Variants in CCSER2 observed in about 807,000 individuals in gnomAD.
CCSER2 encodes the protein coiled-coil serine rich protein 2.
In CCSER2, 46 loss-of-function variants were observed where a neutral mutation model predicts 92.3. That is an observed-to-expected ratio of 0.50 (90% CI 0.39 to 0.64). The LOEUF (loss-of-function observed/expected upper bound fraction) is 0.64, where lower values mean the gene tolerates loss of function less well. Among genes scored for constraint, CCSER2 ranks in the 30% least tolerant of loss-of-function variants. CCSER2 has a pLI of 0.00. For synonymous variants in CCSER2, 433 were observed against 431.4 expected (o/e 1.00, Z -0.04); for missense variants, 1,244 against 1,238.9 (o/e 1.00, Z -0.06).
chr10:84,441,402 G>A (rs945897597), intron 6 of CCSER2, among the ~76,000 whole-genome samples: 2 of 152,116 alleles, frequency 1.3e-5, no homozygotes, highest in Non-Finnish European at 2.9e-5. Flanking sequence ...GGTAAGTAGA[G>A]AGTTTCTGTT....
chr10:84,457,322 T>A (rs868789365), intron 6 of CCSER2, among the ~76,000 whole-genome samples: 35 of 68,330 alleles, frequency 5.1e-4, no homozygotes, highest in South Asian at 8.2e-4. Flanking sequence ...TATAATATAT[T>A]ATATATAATA....
intron 1 of CCSER2, among the ~76,000 whole-genome samples, chr10:84,353,032 T>A (rs1844950560): frequency 6.6e-6 from 1 of 152,194 alleles, no homozygotes; most frequent in South Asian, 2.1e-4. Flanking sequence ...CCTCAGGTGA[T>A]CCACCTGCCT....
intron 3 of CCSER2, among the ~76,000 whole-genome samples, chr10:84,397,828 C>T (rs1007448491): frequency 6.6e-6 from 1 of 152,130 alleles, no homozygotes; most frequent in Admixed American, 6.6e-5. Flanking sequence ...TCTGTAGTGG[C>T]CTATTTCTGT....
At chr10:84,359,418 A>C (rs775112503) in intron 1 of CCSER2, among the ~76,000 whole-genome samples, 4 of 152,172 alleles carry the variant, frequency 2.6e-5, no homozygotes, top group Non-Finnish European at 4.4e-5. Flanking sequence ...GTGGTTCCAC[A>C]GTGTTTGTGT....
At chr10:84,372,785 A>G (rs1180474933) in intron 2 of CCSER2, among the ~76,000 whole-genome samples, 1 of 152,168 alleles carries the variant, frequency 6.6e-6, no homozygotes, top group Non-Finnish European at 1.5e-5. Context: ...CCAGTGTGGT[A>G]TGCCATTAAA....
At position 84,455,465 on chromosome 10, in the gene CCSER2, G is replaced by A. The variant is rs1845561245; in HGVS notation, c.2065-8468G>A. The A allele has an allele frequency of 1.5e-5, 4 of 268,834 alleles. No homozygotes were observed. The South Asian group carries it at 1.6e-4, about 11-fold the overall frequency. 16.7% of individuals were successfully genotyped at this position (268,834 alleles called of 1,614,324 possible). A position where few individuals can be genotyped will look rare whatever the true frequency, so the allele number is the denominator to read the frequency against. Reference sequence around the variant, plus strand: ...TAATTTTTGTACTTTTAGTAGAGACGAGCTTTTGCCATGTTGGCCAGGCTG... The same window carrying A: ...TAATTTTTGTACTTTTAGTAGAGACAAGCTTTTGCCATGTTGGCCAGGCTG... On this transcript the variant is annotated intron_variant, in intron 6 of 9. Coordinates refer to ENST00000372088, the MANE Select transcript of CCSER2 (RefSeq NM_001284240.2).
chr10:84,425,901 CTGTT>C lies in CCSER2; in HGVS notation c.1868+9_1868+12del. On this transcript the variant is annotated intron_variant, in intron 5 of 9. Coordinates refer to ENST00000372088, the MANE Select transcript of CCSER2 (RefSeq NM_001284240.2). ...AAAAAGTGACTTGAGCAGGTAAGTA[CTGTT>C]CTGACTTAGATTTCATTTGCTGTCC... 6.7e-7 allele frequency: 1 copy of C among 1,502,896 alleles called. No homozygotes were observed. The highest frequency in any genetic ancestry group is 9.0e-7 in the Non-Finnish European group (1 of 1,114,038). 93.1% of individuals were successfully genotyped at this position (1,502,896 alleles called of 1,614,324 possible). A position where few individuals can be genotyped will look rare whatever the true frequency, so the allele number is the denominator to read the frequency against.
At chr10:84,442,265 T>TA (rs1330451181) in intron 6 of CCSER2, among the ~76,000 whole-genome samples, 7 of 151,862 alleles carry the variant, frequency 4.6e-5, no homozygotes, top group Admixed American at 1.3e-4. Context: ...GGTGCTACAT[T>TA]AAAAAAAATG....
chr10:84,385,324 G>T (rs956673596), intron 3 of CCSER2, among the ~76,000 whole-genome samples: 4 of 151,902 alleles, frequency 2.6e-5, no homozygotes, highest in Non-Finnish European at 5.9e-5. Context: ...ACAGAACAAA[G>T]CCAGAGGCAT....
chr10:84,352,328 A>T (rs1350295848), intron 1 of CCSER2, among the ~76,000 whole-genome samples: 1 of 152,022 alleles, frequency 6.6e-6, no homozygotes, highest in African/African-American at 2.4e-5. Flanking sequence ...AAAATAGGTG[A>T]TTTGTGTCCA....
intron 3 of CCSER2, among the ~76,000 whole-genome samples, chr10:84,396,828 C>T (rs1841869458): frequency 6.6e-6 from 1 of 152,094 alleles, no homozygotes; most frequent in African/African-American, 2.4e-5. Context: ...TGAGCCACCA[C>T]ACCTGGCCGA....
chr10:84,503,936 G>T (rs924238795), intron 9 of CCSER2, among the ~76,000 whole-genome samples: 2 of 152,122 alleles, frequency 1.3e-5, no homozygotes, highest in Non-Finnish European at 2.9e-5. Context: ...TTCAGGGGGT[G>T]TTTCACAAAC....
intron 1 of CCSER2, among the ~76,000 whole-genome samples, chr10:84,356,182 A>T (rs1845161712): frequency 6.6e-6 from 1 of 152,008 alleles, no homozygotes; most frequent in Admixed American, 6.6e-5. Context: ...TCTACAAAGG[A>T]AGAAGTTGAG....
At chr10:84,497,586 C>T (rs1380175410) in intron 9 of CCSER2, among the ~76,000 whole-genome samples, 1 of 152,166 alleles carries the variant, frequency 6.6e-6, no homozygotes, top group Non-Finnish European at 1.5e-5. Flanking sequence ...GCTACAGCTG[C>T]ATCTCTAGAT....
chr10:84,428,549 G>A (rs897614338), intron 5 of CCSER2, among the ~76,000 whole-genome samples: 25 of 152,098 alleles, frequency 1.6e-4, no homozygotes, highest in African/African-American at 5.1e-4. Context: ...TACAAGATAT[G>A]TTATCTGCAA....
chr10:84,357,745 C>T (rs961865641), intron 1 of CCSER2, among the ~76,000 whole-genome samples: 12 of 152,228 alleles, frequency 7.9e-5, no homozygotes, highest in South Asian at 6.2e-4. Context: ...CCACCGCGCT[C>T]GGCCATATTT....
intron 1 of CCSER2, among the ~76,000 whole-genome samples, chr10:84,342,060 C>T (rs1844219004): frequency 6.6e-6 from 1 of 152,074 alleles, no homozygotes; most frequent in Non-Finnish European, 1.5e-5. Flanking sequence ...CCTTCAGTCC[C>T]CTTCCCCCCC....
At chr10:84,509,836 C>A (rs188932304) in intron 9 of CCSER2, among the ~76,000 whole-genome samples, 2 of 152,296 alleles carry the variant, frequency 1.3e-5, no homozygotes, top group African/African-American at 4.8e-5. Context: ...CATCGATTAG[C>A]GGAAAGCCTT....
At chr10:84,457,668 T>A (rs1845848172) in intron 6 of CCSER2, among the ~76,000 whole-genome samples, 8 of 114,834 alleles carry the variant, frequency 7.0e-5, no homozygotes, top group Admixed American at 4.0e-4. Context: ...ATTTTTAATT[T>A]TAGTTATTAT....
Sources: allele counts gnomAD v4.1 joint callset (sites outside exome capture counted in the v4.1 genomes callset), GRCh38; gene constraint gnomAD v4.1.1; transcripts MANE v1.5; gene names NCBI Gene and HGNC (gene_info 2026-07-23, HGNC 2026-07-21).